ZDHHC16: variants seen among roughly 807,000 people sequenced by gnomAD.
ZDHHC16 encodes the protein zDHHC palmitoyltransferase 16.
ZDHHC16 carries 33 observed loss-of-function variants against 54.4 expected under a neutral mutation model. The observed-to-expected ratio is 0.61, with a 90% CI of 0.46 to 0.81. ZDHHC16 has a LOEUF of 0.81. ZDHHC16 is among the 30% of genes least tolerant of loss of function. ZDHHC16 has a pLI of 0.00. For synonymous variants in ZDHHC16, 185 were observed against 182.1 expected (o/e 1.02, Z -0.13); for missense variants, 420 against 485.9 (o/e 0.86, Z 1.28).
At chr10:97,449,996 C>T (rs949083836) in intron 1 of ZDHHC16, among the ~76,000 whole-genome samples, 18 of 150,734 alleles carry the variant, frequency 1.2e-4, no homozygotes, top group African/African-American at 2.7e-4. Flanking sequence ...CTCAGCCTCC[C>T]GAGTAGCTGG....
chr10:97,453,419 C>CAT, intron 6 of ZDHHC16, 111 bp from the exon 7 acceptor site: 1 of 1,444,010 alleles, frequency 6.9e-7, no homozygotes. Context: ...TTCTTAGTGA[C>CAT]TGGAAGCCTG....
intron 8 of ZDHHC16, among the ~76,000 whole-genome samples, chr10:97,454,050 G>A (rs569935934): frequency 6.6e-6 from 1 of 152,334 alleles, no homozygotes; most frequent in African/African-American, 2.4e-5. Context: ...GTATGTGACA[G>A]TTTTGGCTAT....
chr10:97,446,978 G>T (rs1846117594), intron 1 of ZDHHC16, among the ~76,000 whole-genome samples: 1 of 152,172 alleles, frequency 6.6e-6, no homozygotes, highest in Non-Finnish European at 1.5e-5. Flanking sequence ...CAAAGTGCAG[G>T]GAGTACAGGC....
Position 97,452,282 on chromosome 10 carries a change from C to G in ZDHHC16, c.436C>G (p.Gln146Glu). 6.2e-7 allele frequency: 1 copy of G among 1,614,072 alleles called. No homozygotes were observed. The highest frequency in any genetic ancestry group is 1.1e-5 in the South Asian group (1 of 91,088). Reference sequence around the variant, plus strand: ...CACCACTCCGCCTGGGTACCCACCCCAGGTGGGTCCTCACAGGAGCACTGG... The same window carrying G: ...CACCACTCCGCCTGGGTACCCACCCGAGGTGGGTCCTCACAGGAGCACTGG... ...AITTPPGYPP[Q>E]GRNDIATVSI... The change falls in exon 4 of 12, where the codon CAG (glutamine) becomes GAG (glutamate). Residue 146 changes from glutamine (Q) to glutamate (E), a missense_variant and splice_region_variant. Physicochemically the swap from Gln to Glu is conservative, Grantham distance 29 (BLOSUM62 2). Coordinates refer to ENST00000393760, the MANE Select transcript of ZDHHC16 (RefSeq NM_198046.3).
At chr10:97,453,978 G>C in intron 8 of ZDHHC16, 132 bp downstream of exon 8, 1 of 1,217,794 alleles carries the variant, frequency 8.2e-7, no homozygotes, top group South Asian at 1.4e-5. Flanking sequence ...GATCAGGAGT[G>C]TTCAGGCAGG....
Position 97,452,208 on chromosome 10 carries a change from A to G in ZDHHC16, c.362A>G (p.Tyr121Cys), listed in dbSNP as rs919174466. 25 of 1,613,906 alleles carry G rather than the reference A, an allele frequency of 1.5e-5. No individual in the cohort carries two copies. The highest frequency in any genetic ancestry group is 2.1e-5 in the Non-Finnish European group (25 of 1,180,022). Residue 121 changes from tyrosine (Y) to cysteine (C), a missense_variant, in exon 4 of 12, where the codon TAT becomes TGT. By Grantham distance (194) the Tyr-to-Cys change is radical (BLOSUM62 -2). Transcript: ENST00000393760. ...CCACGACTCTGCTGGCATTTCTTCT[A>G]TAGCCACTGGAATCTGATCCTGATT... is the stretch of plus-strand genomic sequence containing the variant. ...SVPRLCWHFF[Y>C]SHWNLILIVF...
intron 9 of ZDHHC16, among the ~76,000 whole-genome samples, chr10:97,455,361 G>C (rs549257882): frequency 6.6e-6 from 1 of 152,268 alleles, no homozygotes; most frequent in East Asian, 1.9e-4. Flanking sequence ...GTCTTGCTAT[G>C]TTGCCCAGGC....
intron 11 of ZDHHC16, 141 bp from the exon 12 acceptor site, chr10:97,456,636 A>G (rs1055263807): frequency 3.4e-6 from 2 of 596,862 alleles, no homozygotes; most frequent in African/African-American, 3.7e-5. Flanking sequence ...AAAATTGGGT[A>G]GCAGAAATTA....
At position 97,453,784 on chromosome 10, in the gene ZDHHC16, T is replaced by C; in HGVS notation, c.691-15T>C. On this transcript the variant is annotated splice_polypyrimidine_tract_variant and intron_variant, in intron 7 of 11. Coordinates refer to ENST00000393760, the MANE Select transcript of ZDHHC16 (RefSeq NM_198046.3). Reference sequence around the variant, plus strand: ...GGCCTGAGAGTATAACCAGCACTGTTTTCCGTCCCCTTAGAAAATGAAACA... The same window carrying C: ...GGCCTGAGAGTATAACCAGCACTGTCTTCCGTCCCCTTAGAAAATGAAACA... 1 of 1,614,216 alleles carries C rather than the reference T, an allele frequency of 6.2e-7. No homozygotes were observed. The highest frequency in any genetic ancestry group is 8.5e-7 in the Non-Finnish European group (1 of 1,180,036).
chr10:97,455,132 G>C (rs575580302), intron 9 of ZDHHC16, among the ~76,000 whole-genome samples: 1 of 152,342 alleles, frequency 6.6e-6, no homozygotes, highest in African/African-American at 2.4e-5. Flanking sequence ...GGGCAGTGAA[G>C]TGAAGTGACT....
At chr10:97,456,650 CT>C (rs1295864439) in intron 11 of ZDHHC16, 126 bp from the exon 12 acceptor site, 1 of 651,476 alleles carries the variant, frequency 1.5e-6, no homozygotes, top group East Asian at 2.9e-5. Context: ...GAAATTAGAA[CT>C]TTTGTTACTT....
At chr10:97,452,608 G>T in intron 5 of ZDHHC16, 105 bp downstream of exon 5, 1 of 1,222,906 alleles carries the variant, frequency 8.2e-7, no homozygotes, top group Non-Finnish European at 1.2e-6. Flanking sequence ...ATCACCCATC[G>T]TGTCCCAGGT....
rs1405069933 is a variant in ZDHHC16 at position 97,453,550 on chromosome 10, G to A, written c.577G>A (p.Gly193Ser). The change falls in exon 7 of 12, where the codon GGC becomes AGC. Residue 193 changes from glycine (G) to serine (S), a missense_variant. Transcript: ENST00000393760. ...HHCPWLNNCVGHYNHRYFFSF... is the reference protein window; with the variant it reads ...HHCPWLNNCVSHYNHRYFFSF... ...ACCAGCCTGGCTAAACAATTGTGTG[G>A]GCCACTATAACCATCGGTACTTCTT... 1 of 1,613,906 alleles carries A rather than the reference G, an allele frequency of 6.2e-7. No homozygotes were observed. The highest frequency in any genetic ancestry group is 8.5e-7 in the Non-Finnish European group (1 of 1,180,012).
At position 97,456,856 on chromosome 10, in the gene ZDHHC16, G is replaced by A. The variant is rs768377872; in HGVS notation, c.1099G>A (p.Val367Met). ...NGMSWEPPPW[V>M]TAHSASVMAV The stretch of plus-strand genomic sequence containing the variant: ...AATGAGCTGGGAGCCCCCTCCCTGG[G>A]TGACTGCTCACTCAGCCTCTGTGAT... Residue 367 changes from valine to methionine, a missense_variant, in exon 12 of 12, where the codon GTG becomes ATG. By Grantham distance (21) the Val-to-Met change is conservative (BLOSUM62 1). Transcript: ENST00000393760. The A allele has an allele frequency of 4.3e-6, 7 of 1,613,226 alleles. No homozygotes were observed. The highest frequency in any genetic ancestry group is 5.9e-6 in the Non-Finnish European group (7 of 1,179,626).
intron 1 of ZDHHC16, among the ~76,000 whole-genome samples, chr10:97,447,765 A>G (rs1209843845): frequency 6.6e-6 from 1 of 152,104 alleles, no homozygotes; most frequent in Non-Finnish European, 1.5e-5. Context: ...CTACTAAAAA[A>G]ATACAAAATT....
rs1489237481 is a variant in ZDHHC16, at chr10:97,455,700, G to A, written c.865G>A (p.Ala289Thr). 8 of 1,614,042 alleles carry A rather than the reference G, an allele frequency of 5.0e-6. No homozygotes were observed. The highest frequency in any genetic ancestry group is 6.8e-6 in the Non-Finnish European group (8 of 1,180,026). ...LALGALTVWH[A>T]VLISRGETSI... ...CCTGGGTGCCCTAACTGTATGGCAT[G>A]CTGTTCTCATCAGTCGAGGTGAGAC... The change falls in exon 10 of 12, where the codon GCT becomes ACT. Residue 289 changes from alanine to threonine, a missense_variant. Physicochemically the swap from Ala to Thr is moderately conservative, Grantham distance 58. Coordinates refer to ENST00000393760, the MANE Select transcript of ZDHHC16 (RefSeq NM_198046.3).
intron 1 of ZDHHC16, among the ~76,000 whole-genome samples, chr10:97,447,113 T>G (rs1047985359): frequency 6.6e-6 from 1 of 152,136 alleles, no homozygotes; most frequent in Non-Finnish European, 1.5e-5. Context: ...AAAGCCGAAC[T>G]CTGGTTGTGT....
intron 2 of ZDHHC16, 50 bp from the exon 3 acceptor site, chr10:97,451,621 G>A (rs1203373710): frequency 2.6e-6 from 4 of 1,565,780 alleles, no homozygotes; most frequent in Non-Finnish European, 2.6e-6. Context: ...CACTAGCGGG[G>A]TAGGGAGGGA....
At chr10:97,451,135 A>G (rs935316731) in intron 2 of ZDHHC16, 10 of 154,434 alleles carry the variant, frequency 6.5e-5, no homozygotes, top group Admixed American at 3.2e-4. Flanking sequence ...TACAGGATCC[A>G]CATTCTGTGT....
Sources: allele counts gnomAD v4.1 joint callset (sites outside exome capture counted in the v4.1 genomes callset), GRCh38; gene constraint gnomAD v4.1.1; transcripts MANE v1.5; gene names NCBI Gene and HGNC (gene_info 2026-07-23, HGNC 2026-07-21).